Variants in VPS13C observed in about 807,000 individuals in gnomAD.
VPS13C encodes vacuolar protein sorting 13 homolog C.
A neutral mutation model predicts 456.8 loss-of-function variants in VPS13C; 358 were observed. The observed-to-expected ratio is 0.78, with a 90% confidence interval of 0.72 to 0.86. The LOEUF is 0.86. Ranked by LOEUF, VPS13C falls within the 40% of genes least tolerant of loss-of-function variation. The pLI is 0.00. For synonymous variants in VPS13C, 1,578 were observed against 1,486.7 expected, an observed-to-expected ratio of 1.06 and a Z score of -1.41; for missense variants, 4,818 against 4,385.4, an observed-to-expected ratio of 1.10 and a Z score of -2.79.
chr15:61,978,538 G>T, intron 23 of VPS13C, 88 bp downstream of exon 23: 14 of 1,444,548 alleles, frequency 9.7e-6, no homozygotes, highest in Non-Finnish European at 1.3e-5. Flanking sequence ...GGTTGTCAGG[G>T]TTGATATATA....
chr15:61,881,713 A>C, intron 70 of VPS13C, 34 bp downstream of exon 70: 1 of 1,601,736 alleles, frequency 6.2e-7, no homozygotes, highest in Non-Finnish European at 8.5e-7. Flanking sequence ...TTTATAAATA[A>C]GGTATATCTA....
At chr15:61,921,845 C>A (rs2043666366) in intron 55 of VPS13C, 102 bp downstream of exon 55, 4 of 1,183,982 alleles carry the variant, frequency 3.4e-6, no homozygotes, top group Non-Finnish European at 4.8e-6. Context: ...CTTAAAAGGG[C>A]TTCAAGGATC....
intron 53 of VPS13C, among the ~76,000 whole-genome samples, 181 bp from the exon 54 acceptor site, chr15:61,922,943 A>G (rs1467240129): frequency 6.6e-6 from 1 of 152,198 alleles, no homozygotes; most frequent in Non-Finnish European, 1.5e-5. Context: ...AAAACAAGAG[A>G]GAACACAAAA....
intron 1 of VPS13C, among the ~76,000 whole-genome samples, chr15:62,055,731 T>C (rs1344709831): frequency 6.6e-6 from 1 of 152,186 alleles, no homozygotes; most frequent in Non-Finnish European, 1.5e-5. Context: ...AAGATATCAA[T>C]TTCTCTCTCG....
chr15:61,880,314 A>G (rs1172370013), intron 73 of VPS13C, among the ~76,000 whole-genome samples: 1 of 152,150 alleles, frequency 6.6e-6, no homozygotes, highest in Non-Finnish European at 1.5e-5. Context: ...AAGTGCAACC[A>G]AAACATTAAA....
intron 80 of VPS13C, 46 bp from the exon 81 acceptor site, chr15:61,868,819 T>G (rs946595378): frequency 7.0e-7 from 1 of 1,429,900 alleles, no homozygotes; most frequent in Non-Finnish European, 9.7e-7. Flanking sequence ...GTGAGAGTCT[T>G]TCAAAATAAT....
At chr15:62,033,358 C>T in intron 5 of VPS13C, 83 bp downstream of exon 5, 1 of 816,660 alleles carries the variant, frequency 1.2e-6, no homozygotes, top group Non-Finnish European at 1.7e-6. Context: ...CTTATGAAGG[C>T]TTACAAAAGC....
intron 9 of VPS13C, among the ~76,000 whole-genome samples, chr15:62,017,861 A>G (rs1422648750): frequency 6.6e-6 from 1 of 152,092 alleles, no homozygotes; most frequent in Non-Finnish European, 1.5e-5. Context: ...CACTGAATCT[A>G]TAAATTATCT....
intron 45 of VPS13C, among the ~76,000 whole-genome samples, chr15:61,945,298 G>T (rs2140271641): frequency 6.6e-6 from 1 of 152,260 alleles, no homozygotes; most frequent in African/African-American, 2.4e-5. Context: ...GTAATAAAAA[G>T]AAAAGCATTT....
chr15:61,907,547 A>G (rs562657735), intron 65 of VPS13C, among the ~76,000 whole-genome samples, 157 bp from the exon 66 acceptor site: 6 of 152,322 alleles, frequency 3.9e-5, no homozygotes, highest in African/African-American at 7.2e-5. Context: ...TAAAATATCT[A>G]ATAAACTCAT....
intron 81 of VPS13C, chr15:61,865,526 T>C: frequency 4.3e-6 from 4 of 939,636 alleles, no homozygotes; most frequent in Non-Finnish European, 5.1e-6. Context: ...TATACATACA[T>C]ATAATGTATG....
chr15:61,874,730 A>G (rs1311999922), intron 77 of VPS13C, 146 bp downstream of exon 77: 1 of 652,962 alleles, frequency 1.5e-6, no homozygotes, highest in African/African-American at 1.9e-5. Flanking sequence ...TTTTCATTTA[A>G]AAACATGGGA....
Position 62,010,358 on chromosome 15 carries a change from T to C in VPS13C, c.1011+114A>G, listed in dbSNP as rs141472573. On this transcript the variant is annotated intron_variant, in intron 13 of 84. Transcript: ENST00000644861. ...AAACAAAAATTTTTAAACAGTCAAA[T>C]CTCAACATAACAAACCCCAAAAAAC... 9,776 of 1,183,886 alleles carry C rather than the reference T, an allele frequency of 8.3e-3. 179 individuals carry two copies. Among genetic ancestry groups the C allele is most frequent in the Non-Finnish European group, 6.0e-3 (5,434 of 898,592 alleles). 73.3% of individuals were successfully genotyped at this position (1,183,886 alleles called of 1,614,324 possible).
intron 1 of VPS13C, among the ~76,000 whole-genome samples, chr15:62,051,915 A>T (rs2048633218): frequency 6.6e-6 from 1 of 152,244 alleles, no homozygotes; most frequent in East Asian, 1.9e-4. Context: ...ATGATTTAGA[A>T]CTATTTGGGA....
chr15:61,919,535 A>ATTT, intron 57 of VPS13C, 86 bp from the exon 58 acceptor site: 1 of 1,291,004 alleles, frequency 7.7e-7, no homozygotes, highest in Non-Finnish European at 1.0e-6. Flanking sequence ...CAAAATAATG[A>ATTT]AGAGTATTTT....
chr15:61,980,682 G>C (rs972480085), intron 22 of VPS13C, among the ~76,000 whole-genome samples: 1 of 151,642 alleles, frequency 6.6e-6, no homozygotes, highest in African/African-American at 2.4e-5. Context: ...TCTTCAGTTA[G>C]TAATGTAGAA....
At chr15:61,907,442 C>T (rs184543145) in intron 65 of VPS13C, 52 bp from the exon 66 acceptor site, 147 of 1,591,620 alleles carry the variant, frequency 9.2e-5, no homozygotes, top group Middle Eastern at 1.7e-4. Flanking sequence ...GATAAGAAAC[C>T]CAAACCTGTA....
chr15:62,010,937 T>C (rs945480194), intron 12 of VPS13C, among the ~76,000 whole-genome samples: 4 of 152,168 alleles, frequency 2.6e-5, no homozygotes, highest in African/African-American at 7.2e-5. Flanking sequence ...AATGATTGTA[T>C]TATTCATTAA....
chr15:62,034,262 G>GTATA (rs1033760979), intron 4 of VPS13C, among the ~76,000 whole-genome samples: 2 of 151,580 alleles, frequency 1.3e-5, no homozygotes, highest in African/African-American at 4.8e-5. Context: ...AGTCAATGTT[G>GTATA]TATATATAAT....
Sources: gnomAD v4.1 joint callset for allele counts (sites outside exome capture counted in the v4.1 genomes callset) on GRCh38, gnomAD v4.1.1 for gene constraint, MANE v1.5 for transcripts, NCBI Gene and HGNC (gene_info 2026-07-23, HGNC 2026-07-21) for gene names.